The following EPHA5 variants were observed in gnomAD, a reference collection of about 807,000 sequenced individuals.
EPHA5 encodes ephrin type-A receptor 5.
Under a neutral mutation model 105.0 loss-of-function variants are expected in EPHA5, and 60 were observed. The observed-to-expected ratio is 0.57, with a 90% CI of 0.46 to 0.71. EPHA5 has a LOEUF of 0.71. Among genes scored for constraint, EPHA5 ranks in the 30% least tolerant of loss-of-function variants. The pLI is 0.00. For missense variants in EPHA5, 1,218 were observed against 1,274.7 expected (o/e 0.96, Z 0.68); for synonymous variants, 513 against 449.1 (o/e 1.14, Z -1.80).
chr4:65,574,679 C>CACAT (rs1553942773), intron 3 of EPHA5, among the ~76,000 whole-genome samples: 28 of 61,086 alleles, frequency 4.6e-4, no homozygotes, highest in South Asian at 4.4e-3. Flanking sequence ...CATATATATA[C>CACAT]ATATATATAC....
chr4:65,389,082 G>A (rs961304896), intron 8 of EPHA5, among the ~76,000 whole-genome samples: 6 of 151,934 alleles, frequency 3.9e-5, no homozygotes, highest in Admixed American at 3.9e-4. Flanking sequence ...TAATTTAAGT[G>A]GCTGAATTTC....
At chr4:65,534,032 C>T (rs965022024) in intron 3 of EPHA5, among the ~76,000 whole-genome samples, 7 of 152,008 alleles carry the variant, frequency 4.6e-5, no homozygotes, top group East Asian at 3.9e-4. Context: ...TGCATTACTG[C>T]GTTTAAAGTC....
intron 3 of EPHA5, among the ~76,000 whole-genome samples, chr4:65,572,535 C>T (rs1281405317): frequency 6.6e-6 from 1 of 152,156 alleles, no homozygotes; most frequent in Non-Finnish European, 1.5e-5. Flanking sequence ...AAAAGACACA[C>T]ATCAATTTTT....
rs185209283 is a variant in EPHA5, at chr4:65,528,100, C to A, written c.911-32557G>T. On this transcript the variant is annotated intron_variant, in intron 3 of 16. Coordinates refer to ENST00000613740, the MANE Select transcript of EPHA5 (RefSeq NM_001281766.3). ...GAAATAAAATCTATCAACAATTTGA[C>A]CAGAAAATGTTAGATAACAAAATGT... Among the ~76,000 whole-genome samples the A allele has an allele frequency of 7.2e-5, 11 of 152,004 alleles. No homozygotes were observed. In the East Asian group the frequency reaches 7.7e-4, roughly 11 times the overall value.
chr4:65,503,601 G>A (rs1213462309), intron 3 of EPHA5, among the ~76,000 whole-genome samples: 3 of 151,478 alleles, frequency 2.0e-5, no homozygotes, highest in Non-Finnish European at 3.0e-5. Context: ...AATATTGGCA[G>A]AAATTCAAAG....
At chr4:65,349,067 T>A (rs1322976917) in intron 13 of EPHA5, among the ~76,000 whole-genome samples, 2 of 151,714 alleles carry the variant, frequency 1.3e-5, no homozygotes, top group East Asian at 3.9e-4. Context: ...TCACCCACCT[T>A]AGCCTCCCAA....
At chr4:65,531,228 G>A (rs968671743) in intron 3 of EPHA5, among the ~76,000 whole-genome samples, 1 of 150,010 alleles carries the variant, frequency 6.7e-6, no homozygotes, top group East Asian at 2.0e-4. Context: ...TAGTAGAGAC[G>A]GGGTTTCACC....
intron 2 of EPHA5, among the ~76,000 whole-genome samples, chr4:65,613,337 G>A (rs562102222): frequency 8.2e-4 from 125 of 152,050 alleles, no homozygotes; most frequent in African/African-American, 2.9e-3. Context: ...TTTTTGCTTA[G>A]AATTCCTTTG....
intron 3 of EPHA5, among the ~76,000 whole-genome samples, chr4:65,564,977 A>G (rs1381619360): frequency 6.6e-6 from 1 of 151,706 alleles, no homozygotes; most frequent in African/African-American, 2.4e-5. Flanking sequence ...GTAGTCTATA[A>G]TTTCCACTTA....
rs1722979305 is a variant in EPHA5 at position 65,353,104 on chromosome 4, C to G, written c.2174-1G>C. On this transcript the variant is annotated splice_acceptor_variant, in intron 11 of 16. Transcript: ENST00000613740. LOFTEE classifies it high-confidence loss of function. ...TCTGTCACGATCATCACTGGTTTAC[C>G]TGAAAAGAAAACAGAGTGATATAAC... is the stretch of plus-strand genomic sequence containing the variant. 1 of 1,548,584 alleles carries G rather than the reference C, an allele frequency of 6.5e-7. No individual in the cohort carries two copies.
intron 6 of EPHA5, 85 bp downstream of exon 6, chr4:65,420,356 A>T: frequency 5.2e-6 from 7 of 1,344,592 alleles, no homozygotes; most frequent in Non-Finnish European, 7.1e-6. Flanking sequence ...AAATTGCAAC[A>T]TACTCTTCTG....
intron 14 of EPHA5, among the ~76,000 whole-genome samples, chr4:65,345,495 G>T (rs1331326864): frequency 6.6e-6 from 1 of 152,238 alleles, no homozygotes; most frequent in Non-Finnish European, 1.5e-5. Context: ...CACTGCTAGT[G>T]CATCCAATAA....
chr4:65,541,085 T>C (rs1736784442), intron 3 of EPHA5, among the ~76,000 whole-genome samples: 1 of 150,988 alleles, frequency 6.6e-6, no homozygotes, highest in South Asian at 2.1e-4. Flanking sequence ...TTTTTCTACT[T>C]TTAAGAAAAA....
At chr4:65,585,602 AC>A (rs1742044845) in intron 3 of EPHA5, among the ~76,000 whole-genome samples, 1 of 151,958 alleles carries the variant, frequency 6.6e-6, no homozygotes, top group Non-Finnish European at 1.5e-5. Context: ...GTTTCCAAGA[AC>A]AAAGCAAGAA....
chr4:65,461,263 C>A (rs1728095491), intron 5 of EPHA5, among the ~76,000 whole-genome samples: 2 of 151,856 alleles, frequency 1.3e-5, no homozygotes, highest in African/African-American at 4.8e-5. Context: ...CAGTCACTAT[C>A]TGTGATTTAA....
intron 3 of EPHA5, among the ~76,000 whole-genome samples, chr4:65,558,492 T>C (rs1247567229): frequency 2.0e-5 from 3 of 152,168 alleles, no homozygotes; most frequent in Non-Finnish European, 4.4e-5. Flanking sequence ...GTGTGTATAG[T>C]AGTGAATATC....
intron 3 of EPHA5, among the ~76,000 whole-genome samples, chr4:65,550,920 C>A (rs183663714): frequency 1.1e-3 from 172 of 151,916 alleles, no homozygotes; most frequent in Admixed American, 1.9e-3. Context: ...AAAAAATAAA[C>A]CATGATTTGG....
At chr4:65,380,003 T>A (rs1719402049) in intron 8 of EPHA5, among the ~76,000 whole-genome samples, 1 of 151,724 alleles carries the variant, frequency 6.6e-6, no homozygotes, top group Non-Finnish European at 1.5e-5. Context: ...TCAGATGGTA[T>A]AAAAAACATA....
At chr4:65,574,665 TACAC>T (rs1286182590) in intron 3 of EPHA5, among the ~76,000 whole-genome samples, 1 of 41,468 alleles carries the variant, frequency 2.4e-5, no homozygotes. Context: ...CATATATATA[TACAC>T]ATATATATAC....
Sources: allele counts gnomAD v4.1 joint callset (sites outside exome capture counted in the v4.1 genomes callset), GRCh38; gene constraint gnomAD v4.1.1; transcripts MANE v1.5; gene names NCBI Gene and HGNC (gene_info 2026-07-23, HGNC 2026-07-21).